The following CRYBG1 variants were observed in gnomAD, a reference collection of about 807,000 sequenced individuals.
CRYBG1 encodes the protein beta/gamma crystallin domain-containing protein 1.
A neutral mutation model predicts 189.2 loss-of-function variants in CRYBG1; 139 were observed. The ratio of observed to expected loss-of-function variants is 0.73; its 90% CI spans 0.64 to 0.85. The LOEUF is 0.85. CRYBG1 is among the 40% of genes least tolerant of loss of function. CRYBG1 has a pLI of 0.00. For synonymous variants in CRYBG1, 1,023 were observed against 1,017.1 expected, an observed-to-expected ratio of 1.01 and a Z score of -0.11; for missense variants, 2,611 against 2,675.8, an observed-to-expected ratio of 0.98 and a Z score of 0.53.
rs1298519705 is a variant in CRYBG1 at position 106,360,967 on chromosome 6, C to T, written c.59C>T (p.Pro20Leu). ...GGGGAGCCCAGCCCGTGCAGGCCCC[C>T]TAAGAAGCACACCACCTTCCACCTC... The part of the protein sequence containing the change: ...DPGEPSPCRP[P>L]KKHTTFHLWR... The change falls in exon 1 of 22, where the codon CCT (proline) becomes CTT (leucine). Residue 20 changes from proline to leucine, a missense_variant. Coordinates refer to ENST00000633556, the MANE Select transcript of CRYBG1 (RefSeq NM_001371242.2). 4 of 1,535,262 alleles carry T rather than the reference C, an allele frequency of 2.6e-6. No individual in the cohort carries two copies. In the South Asian group the frequency reaches 4.8e-5, roughly 18 times the overall value.
At chr6:106,566,454 C>T (rs1173744748) in intron 21 of CRYBG1, among the ~76,000 whole-genome samples, 1 of 136,982 alleles carries the variant, frequency 7.3e-6, no homozygotes, top group African/African-American at 2.7e-5. Context: ...AGCACGGTAG[C>T]AACAACAGTC....
Position 106,527,478 on chromosome 6 carries a change from G to T in CRYBG1, c.4578+8G>T. The T allele has an allele frequency of 1.2e-6, 2 of 1,603,804 alleles. No individual in the cohort carries two copies. The highest frequency in any genetic ancestry group is 1.7e-6 in the Non-Finnish European group (2 of 1,176,172). On this transcript the variant is annotated splice_region_variant and intron_variant, in intron 7 of 21. Coordinates refer to ENST00000633556, the MANE Select transcript of CRYBG1 (RefSeq NM_001371242.2). Reference sequence around the variant, plus strand: ...ATCAGACATGTGGTTCAGGTAGGTTGTGGTAAATATGGATTTTATTTATTC... The same window carrying T: ...ATCAGACATGTGGTTCAGGTAGGTTTTGGTAAATATGGATTTTATTTATTC...
intron 3 of CRYBG1, among the ~76,000 whole-genome samples, chr6:106,518,474 C>G (rs1773492076): frequency 2.0e-5 from 3 of 152,188 alleles, no homozygotes; most frequent in Non-Finnish European, 4.4e-5. Flanking sequence ...TAATGTTGTT[C>G]AGGCCTTAAG....
chr6:106,561,196 G>A, intron 19 of CRYBG1, 146 bp from the exon 20 acceptor site: 1 of 1,010,120 alleles, frequency 9.9e-7, no homozygotes, highest in Non-Finnish European at 1.4e-6. Context: ...TCTTCTCATT[G>A]AGAAAATTTA....
At chr6:106,471,362 A>C (rs531260160) in intron 2 of CRYBG1, among the ~76,000 whole-genome samples, 1 of 152,336 alleles carries the variant, frequency 6.6e-6, no homozygotes, top group Admixed American at 6.5e-5. Context: ...CTATGAAAAT[A>C]GAGCACATGT....
intron 2 of CRYBG1, among the ~76,000 whole-genome samples, chr6:106,505,063 C>T (rs1773102152): frequency 6.6e-6 from 1 of 151,016 alleles, no homozygotes; most frequent in Non-Finnish European, 1.5e-5. Context: ...GATCCTCCGG[C>T]ACAGGACAAC....
At chr6:106,516,067 A>G (rs1773411971) in intron 3 of CRYBG1, among the ~76,000 whole-genome samples, 1 of 152,068 alleles carries the variant, frequency 6.6e-6, no homozygotes, top group South Asian at 2.1e-4. Flanking sequence ...CTAGGATTAC[A>G]GGCATCAGCC....
At chr6:106,365,033 GT>G (rs1771955627) in intron 1 of CRYBG1, among the ~76,000 whole-genome samples, 1 of 152,028 alleles carries the variant, frequency 6.6e-6, no homozygotes, top group Non-Finnish European at 1.5e-5. Context: ...GGAATTTTGT[GT>G]GTTTTTCTGC....
At chr6:106,485,207 T>G (rs1772572655) in intron 2 of CRYBG1, among the ~76,000 whole-genome samples, 1 of 152,240 alleles carries the variant, frequency 6.6e-6, no homozygotes, top group African/African-American at 2.4e-5. Flanking sequence ...GGAGAGATTT[T>G]ACTTCCTTGG....
At chr6:106,501,591 T>C (rs530370117) in intron 2 of CRYBG1, among the ~76,000 whole-genome samples, 3 of 152,358 alleles carry the variant, frequency 2.0e-5, no homozygotes, top group Admixed American at 6.5e-5. Flanking sequence ...ATCACTGTCA[T>C]AGGCTACTTT....
Position 106,525,318 on chromosome 6 carries a change from C to T in CRYBG1, c.4344C>T (p.Phe1448=). Residue 1448 remains phenylalanine (F), a synonymous_variant, in exon 6 of 22, where the codon TTC becomes TTT. Transcript: ENST00000633556. ...TCTCTGAGAAGTGCATTGAAGTTTT[C>T]AGTGACATTCAGGATTGCAGTTCTT... The part of the protein sequence containing the change: ...PDVSEKCIEV[F]SDIQDCSSWS... The T allele has an allele frequency of 6.2e-7, 1 of 1,614,146 alleles. No individual in the cohort carries two copies. The highest frequency in any genetic ancestry group is 8.5e-7 in the Non-Finnish European group (1 of 1,180,012).
At chr6:106,428,422 T>G (rs555470170) in intron 1 of CRYBG1, among the ~76,000 whole-genome samples, 2 of 152,326 alleles carry the variant, frequency 1.3e-5, no homozygotes, top group Admixed American at 1.3e-4. Flanking sequence ...GACTTTCAGA[T>G]CTGCTATATT....
Position 106,475,869 on chromosome 6 carries a change from G to C in CRYBG1, c.312+24037G>C, listed in dbSNP as rs73511061. ...GAGGCCAAGGATCTGACATTTTAAA[G>C]AGATACACGTTTCCTCTGTCACAGA... On this transcript the variant is annotated intron_variant, in intron 2 of 21. Coordinates refer to ENST00000633556, the MANE Select transcript of CRYBG1 (RefSeq NM_001371242.2). Among the ~76,000 whole-genome samples, 1,116 of 152,294 alleles carry C rather than the reference G, an allele frequency of 7.3e-3. 14 individuals are homozygous for C. Among genetic ancestry groups the C allele is most frequent in the African/African-American group, 0.026 (1,082 of 41,558 alleles).
At chr6:106,549,654 G>T (rs771816799) in intron 13 of CRYBG1, among the ~76,000 whole-genome samples, 1 of 152,072 alleles carries the variant, frequency 6.6e-6, no homozygotes, top group East Asian at 1.9e-4. Flanking sequence ...ATCGGGGGAT[G>T]GGGGGTGGTA....
At chr6:106,515,099 G>A (rs1255052259) in intron 3 of CRYBG1, among the ~76,000 whole-genome samples, 1 of 152,182 alleles carries the variant, frequency 6.6e-6, no homozygotes, top group East Asian at 1.9e-4. Flanking sequence ...GAAGTAGCAT[G>A]TTCCTTTATG....
intron 1 of CRYBG1, among the ~76,000 whole-genome samples, chr6:106,413,078 T>A (rs12207671): frequency 6.6e-6 from 1 of 152,126 alleles, no homozygotes; most frequent in Non-Finnish European, 1.5e-5. Flanking sequence ...AACAACATTC[T>A]CAGGTAACCC....
Position 106,429,021 on chromosome 6 carries a change from C to A in CRYBG1, c.174-22673C>A, listed in dbSNP as rs1771277644. On this transcript the variant is annotated intron_variant, in intron 1 of 21. Transcript: ENST00000633556. Reference sequence around the variant, plus strand: ...TGCTGTTCACTTGGTATTAGAACAACTTCTCTTTATGGAGATTTTTACAGT... The same window carrying A: ...TGCTGTTCACTTGGTATTAGAACAAATTCTCTTTATGGAGATTTTTACAGT... 2.0e-5 allele frequency among the ~76,000 whole-genome samples: 3 copies of A among 152,216 alleles called. No individual in the cohort carries two copies. In the South Asian group the frequency reaches 6.2e-4, roughly 31 times the overall value.
At chr6:106,490,687 A>G (rs895506260) in intron 2 of CRYBG1, among the ~76,000 whole-genome samples, 13 of 152,222 alleles carry the variant, frequency 8.5e-5, no homozygotes, top group African/African-American at 3.1e-4. Flanking sequence ...TGTGCATTGC[A>G]GAACTCAGTC....
At chr6:106,559,320 G>T (rs1458498414) in intron 18 of CRYBG1, among the ~76,000 whole-genome samples, 1 of 152,188 alleles carries the variant, frequency 6.6e-6, no homozygotes, top group Non-Finnish European at 1.5e-5. Flanking sequence ...AACTTGGAAA[G>T]ATTTTTTTCC....
Sources: allele counts gnomAD v4.1 joint callset (sites outside exome capture counted in the v4.1 genomes callset), GRCh38; gene constraint gnomAD v4.1.1; transcripts MANE v1.5; gene names NCBI Gene and HGNC (gene_info 2026-07-23, HGNC 2026-07-21).